CHSY3: variants seen among roughly 807,000 people sequenced by gnomAD.
The protein encoded by CHSY3 is chondroitin sulfate synthase 3.
In CHSY3, 35 loss-of-function variants were observed where a neutral mutation model predicts 67.2. The ratio of observed to expected loss-of-function variants is 0.52; its 90% CI spans 0.40 to 0.69. CHSY3 has a LOEUF of 0.69. Ranked by LOEUF, CHSY3 falls within the 30% of genes least tolerant of loss-of-function variation. The probability of loss-of-function intolerance (pLI) is 0.00; values close to 1 mark genes in which losing one functional copy is unlikely to be tolerated. For synonymous variants in CHSY3, 474 were observed against 434.7 expected, an observed-to-expected ratio of 1.09 and a Z score of -1.12; for missense variants, 1,069 against 1,138.5, an observed-to-expected ratio of 0.94 and a Z score of 0.88.
At chr5:130,084,451 C>T (rs1230558532) in intron 2 of CHSY3, among the ~76,000 whole-genome samples, 3 of 151,726 alleles carry the variant, frequency 2.0e-5, no homozygotes, top group African/African-American at 7.3e-5. Flanking sequence ...AAAATTTATT[C>T]AGAGCAAAAT....
intron 2 of CHSY3, among the ~76,000 whole-genome samples, chr5:130,011,258 CA>C (rs1764050626): frequency 6.6e-6 from 1 of 151,982 alleles, no homozygotes; most frequent in South Asian, 2.1e-4. Context: ...AGCAGCACAC[CA>C]AAAAGCTAAT....
At chr5:130,171,115 G>GA (rs1402487410) in intron 2 of CHSY3, among the ~76,000 whole-genome samples, 1 of 151,938 alleles carries the variant, frequency 6.6e-6, no homozygotes, top group Non-Finnish European at 1.5e-5. Context: ...AATGTTTAGG[G>GA]AAAAAATAAA....
chr5:129,909,809 A>T (rs1760470089), intron 2 of CHSY3, among the ~76,000 whole-genome samples: 1 of 152,024 alleles, frequency 6.6e-6, no homozygotes, highest in African/African-American at 2.4e-5. Context: ...GCAGGTATTT[A>T]CTTTGCATGG....
intron 2 of CHSY3, among the ~76,000 whole-genome samples, chr5:130,025,771 G>A (rs1365061086): frequency 6.6e-6 from 1 of 151,982 alleles, no homozygotes; most frequent in Non-Finnish European, 1.5e-5. Context: ...TGAGGGTTCT[G>A]CCTTCATGAC....
intron 2 of CHSY3, among the ~76,000 whole-genome samples, chr5:130,158,332 G>T (rs1769429780): frequency 6.6e-6 from 1 of 152,160 alleles, no homozygotes; most frequent in Non-Finnish European, 1.5e-5. Context: ...AGCCAGACAT[G>T]CCAGAGTTTG....
intron 2 of CHSY3, among the ~76,000 whole-genome samples, chr5:130,158,618 G>T (rs560451304): frequency 1.4e-4 from 21 of 152,244 alleles, no homozygotes; most frequent in East Asian, 5.8e-4. Flanking sequence ...TCTAAGTCAG[G>T]ATCAGCCATT....
chr5:130,154,866 C>T (rs1262579570), intron 2 of CHSY3, among the ~76,000 whole-genome samples: 1 of 152,114 alleles, frequency 6.6e-6, no homozygotes, highest in African/African-American at 2.4e-5. Flanking sequence ...TAGAGACTGG[C>T]AAACCCTGTA....
chr5:129,960,464 T>A (rs1021021913), intron 2 of CHSY3, among the ~76,000 whole-genome samples: 1 of 152,038 alleles, frequency 6.6e-6, no homozygotes, highest in Non-Finnish European at 1.5e-5. Context: ...CTTGGGAAAT[T>A]TAAATTTTTA....
chr5:130,069,054 A>T (rs1765975833), intron 2 of CHSY3, among the ~76,000 whole-genome samples: 1 of 152,104 alleles, frequency 6.6e-6, no homozygotes, highest in Non-Finnish European at 1.5e-5. Context: ...TAGGTTACCC[A>T]GGGTTCAATT....
At chr5:129,993,752 T>C (rs372589516) in intron 2 of CHSY3, among the ~76,000 whole-genome samples, 2 of 152,116 alleles carry the variant, frequency 1.3e-5, no homozygotes, top group Non-Finnish European at 2.9e-5. Context: ...ATCCTGTCAT[T>C]ATGATGTTAG....
intron 2 of CHSY3, among the ~76,000 whole-genome samples, chr5:130,145,701 C>T (rs1769052883): frequency 1.3e-5 from 2 of 152,104 alleles, no homozygotes. Flanking sequence ...AACTATACAT[C>T]TGACAGTGGG....
intron 2 of CHSY3, 71 bp from the exon 3 acceptor site, chr5:130,184,158 G>T: frequency 7.5e-7 from 1 of 1,341,056 alleles, no homozygotes; most frequent in Non-Finnish European, 9.7e-7. Context: ...AGATGCTTTA[G>T]TTTATCGCTG....
At chr5:129,948,222 G>A (rs538721322) in intron 2 of CHSY3, among the ~76,000 whole-genome samples, 1 of 152,068 alleles carries the variant, frequency 6.6e-6, no homozygotes, top group African/African-American at 2.4e-5. Flanking sequence ...GGGAACAGGT[G>A]GTGTTTAGTT....
At chr5:130,174,987 G>T (rs1367124948) in intron 2 of CHSY3, among the ~76,000 whole-genome samples, 1 of 151,996 alleles carries the variant, frequency 6.6e-6, no homozygotes. Context: ...ATAATAGTGG[G>T]GTGTTAAGTC....
intron 2 of CHSY3, among the ~76,000 whole-genome samples, chr5:130,119,139 G>C (rs1767921861): frequency 6.6e-6 from 1 of 152,092 alleles, no homozygotes; most frequent in Non-Finnish European, 1.5e-5. Context: ...TCATTGTACA[G>C]GTAGGGGAAC....
At chr5:130,133,064 TTGGAAATC>T (rs1768534148) in intron 2 of CHSY3, among the ~76,000 whole-genome samples, 1 of 152,182 alleles carries the variant, frequency 6.6e-6, no homozygotes, top group Non-Finnish European at 1.5e-5. Flanking sequence ...CCATGCCTCG[TTGGAAATC>T]TGTGTAATAT....
intron 2 of CHSY3, among the ~76,000 whole-genome samples, chr5:130,089,900 A>G (rs948276937): frequency 2.6e-5 from 4 of 152,178 alleles, no homozygotes; most frequent in African/African-American, 9.6e-5. Context: ...CTGGGGACCA[A>G]CAAAGGTTGT....
At chr5:130,015,762 A>G (rs865964468) in intron 2 of CHSY3, among the ~76,000 whole-genome samples, 8 of 152,358 alleles carry the variant, frequency 5.3e-5, no homozygotes, top group South Asian at 2.1e-4. Context: ...AAATCATTCT[A>G]CTGTAAAGAT....
intron 2 of CHSY3, among the ~76,000 whole-genome samples, chr5:130,171,819 A>C (rs529949074): frequency 6.6e-6 from 1 of 152,344 alleles, no homozygotes; most frequent in African/African-American, 2.4e-5. Flanking sequence ...CTTCAAAATC[A>C]TACAGAGCAT....
Sources: gnomAD v4.1 joint callset for allele counts (sites outside exome capture counted in the v4.1 genomes callset) on GRCh38, gnomAD v4.1.1 for gene constraint, MANE v1.5 for transcripts, NCBI Gene and HGNC (gene_info 2026-07-23, HGNC 2026-07-21) for gene names.